The following MYO3A variants were observed in gnomAD, a reference collection of about 807,000 sequenced individuals.
MYO3A encodes the protein myosin-IIIa.
Under a neutral mutation model 192.7 loss-of-function variants are expected in MYO3A, and 180 were observed. That is an observed-to-expected ratio of 0.93 (90% CI 0.83 to 1.06). The LOEUF is 1.06. Ranked by LOEUF, MYO3A falls within the 50% of genes least tolerant of loss-of-function variation. MYO3A has a pLI of 0.00. For synonymous variants in MYO3A, 628 were observed against 645.3 expected (o/e 0.97, Z 0.41); for missense variants, 1,896 against 1,905.0 (o/e 1.00, Z 0.09).
In MYO3A at chr10:26,202,851, G is replaced by A. The variant is rs566267404; in HGVS notation, c.4587-113G>A. The A allele has an allele frequency of 1.3e-4, 149 of 1,180,704 alleles. No homozygotes were observed. In the African/African-American group the frequency reaches 2.0e-3, roughly 16 times the overall value. 73.1% of individuals were successfully genotyped at this position (1,180,704 alleles called of 1,614,324 possible). ...AGACCTTCCATTTCTATTGACATGT[G>A]TATGTTACTCTAAATTATAGTAAAT... On this transcript the variant is annotated intron_variant, in intron 33 of 34. Transcript: ENST00000642920.
At chr10:26,166,036 A>C in intron 26 of MYO3A, 31 bp from the exon 27 acceptor site, 2 of 1,573,372 alleles carry the variant, frequency 1.3e-6, no homozygotes, top group South Asian at 1.1e-5. Context: ...CACTTTATGC[A>C]ATACTAACCA....
rs545430884 is a variant in MYO3A, at chr10:26,059,690, G to GT, written c.954-7279dup. On this transcript the variant is annotated intron_variant, in intron 10 of 34. Coordinates refer to ENST00000642920, the MANE Select transcript of MYO3A (RefSeq NM_017433.5). Reference sequence around the variant, plus strand: ...TTTTGGCATTTGCCGTATACTTTGTGTTTTTTAAAAATATTTGTGTTCACA... The same window carrying GT: ...TTTTGGCATTTGCCGTATACTTTGTGTTTTTTTAAAAATATTTGTGTTCACA... Among the ~76,000 whole-genome samples, 9 of 152,304 alleles carry GT rather than the reference G, an allele frequency of 5.9e-5. No individual in the cohort carries two copies. The South Asian group carries it at 1.9e-3, about 32-fold the overall frequency.
rs1319562973 is a variant in MYO3A at position 25,934,695 on chromosome 10, G to A, written c.-105+367G>A. Among the ~76,000 whole-genome samples the A allele has an allele frequency of 1.4e-4, 21 of 151,630 alleles. 1 individual carries two copies. The highest frequency in any genetic ancestry group is 1.4e-3 in the Admixed American group (21 of 15,240). ...GAGCCAGGAGGAGGGAACGGGAAGG[G>A]TGAACCTGAGGGGTGGACTTGAGGG... is the stretch of plus-strand genomic sequence containing the variant. On this transcript the variant is annotated intron_variant, in intron 1 of 34. Coordinates refer to ENST00000642920, the MANE Select transcript of MYO3A (RefSeq NM_017433.5).
At chr10:25,982,808 C>G (rs759957322) in intron 4 of MYO3A, among the ~76,000 whole-genome samples, 2 of 152,152 alleles carry the variant, frequency 1.3e-5, no homozygotes, top group Admixed American at 1.3e-4. Flanking sequence ...CCCTAAATCC[C>G]TGATCTTCCC....
chr10:26,174,776 T>C (rs944778817), intron 30 of MYO3A, among the ~76,000 whole-genome samples: 1 of 152,124 alleles, frequency 6.6e-6, no homozygotes, highest in African/African-American at 2.4e-5. Context: ...GATAGAAACC[T>C]CATGTAGTCG....
chr10:26,070,491 C>G (rs1835142159), intron 14 of MYO3A, 90 bp downstream of exon 14: 2 of 1,118,678 alleles, frequency 1.8e-6, no homozygotes, highest in African/African-American at 3.1e-5. Context: ...TCTCTAGTAT[C>G]TCACATTTAA....
chr10:26,117,544 C>G (rs769486899), intron 17 of MYO3A, among the ~76,000 whole-genome samples: 1 of 152,086 alleles, frequency 6.6e-6, no homozygotes, highest in South Asian at 2.1e-4. Flanking sequence ...CTCTATGTGT[C>G]CCTGTGTTCT....
chr10:25,965,021 T>G (rs1460615292), intron 4 of MYO3A, among the ~76,000 whole-genome samples: 1 of 152,238 alleles, frequency 6.6e-6, no homozygotes, highest in African/African-American at 2.4e-5. Context: ...TTGCTGCTTT[T>G]AGGATCCTTT....
At chr10:26,180,914 G>T (rs1842592477) in intron 31 of MYO3A, among the ~76,000 whole-genome samples, 1 of 151,900 alleles carries the variant, frequency 6.6e-6, no homozygotes, top group African/African-American at 2.4e-5. Context: ...TGGAATTTAA[G>T]AAAATATCCC....
At chr10:26,106,929 A>G (rs576798032) in intron 17 of MYO3A, among the ~76,000 whole-genome samples, 140 of 151,878 alleles carry the variant, frequency 9.2e-4, no homozygotes, top group Non-Finnish European at 1.3e-3. Context: ...AAATGTATCT[A>G]TTTTTTTCTT....
At chr10:25,954,007 C>T (rs1327546113) in intron 3 of MYO3A, among the ~76,000 whole-genome samples, 1 of 151,988 alleles carries the variant, frequency 6.6e-6, no homozygotes, top group East Asian at 1.9e-4. Flanking sequence ...CAGTCATTTT[C>T]TTTTCAAGAG....
intron 15 of MYO3A, among the ~76,000 whole-genome samples, chr10:26,095,393 G>C (rs1836953421): frequency 6.6e-6 from 1 of 152,126 alleles, no homozygotes; most frequent in Non-Finnish European, 1.5e-5. Flanking sequence ...CCTAAAACAG[G>C]AGGAGATCCT....
At chr10:26,058,836 A>G (rs576796795) in intron 10 of MYO3A, among the ~76,000 whole-genome samples, 1 of 152,334 alleles carries the variant, frequency 6.6e-6, no homozygotes, top group South Asian at 2.1e-4. Flanking sequence ...CTATCCATGA[A>G]CATAGAATAT....
At chr10:25,978,549 A>T (rs147316621) in intron 4 of MYO3A, among the ~76,000 whole-genome samples, 8 of 152,294 alleles carry the variant, frequency 5.3e-5, no homozygotes, top group African/African-American at 1.9e-4. Context: ...TCCACAACAC[A>T]TGGAAATTGA....
intron 2 of MYO3A, among the ~76,000 whole-genome samples, chr10:25,944,199 T>C (rs1407628731): frequency 6.6e-6 from 1 of 152,074 alleles, no homozygotes; most frequent in Non-Finnish European, 1.5e-5. Context: ...GCATATTACA[T>C]TGATTGATTT....
chr10:26,102,373 C>A (rs979915108), intron 17 of MYO3A, among the ~76,000 whole-genome samples: 1 of 151,812 alleles, frequency 6.6e-6, no homozygotes, highest in Non-Finnish European at 1.5e-5. Context: ...CTGTTATTAC[C>A]GATCATCTGA....
chr10:26,200,032 C>T (rs1843612703), intron 32 of MYO3A, among the ~76,000 whole-genome samples: 2 of 152,168 alleles, frequency 1.3e-5, no homozygotes, highest in Non-Finnish European at 2.9e-5. Flanking sequence ...TTGTAAGCGC[C>T]TCTTAGCCTA....
intron 33 of MYO3A, 30 bp downstream of exon 33, chr10:26,201,335 C>A: frequency 4.7e-6 from 7 of 1,489,996 alleles, no homozygotes; most frequent in South Asian, 2.4e-5. Flanking sequence ...TTCAATCAGT[C>A]ATCTTATTCA....
rs74126394 is a variant in MYO3A at position 26,087,233 on chromosome 10, C to G, written c.1360-970C>G. Among the ~76,000 whole-genome samples, 600 of 152,304 alleles carry G rather than the reference C, an allele frequency of 3.9e-3. 6 individuals are homozygous for G. The highest frequency in any genetic ancestry group is 0.014 in the African/African-American group (572 of 41,558). On this transcript the variant is annotated intron_variant, in intron 14 of 34. Coordinates refer to ENST00000642920, the MANE Select transcript of MYO3A (RefSeq NM_017433.5). ...ATTTTAAAGAGCCAAGTTCATCCCCCAAATTACTACACTCTTCTTCCACAC... is the reference window on the plus strand; with the variant it reads ...ATTTTAAAGAGCCAAGTTCATCCCCGAAATTACTACACTCTTCTTCCACAC...
Sources: allele counts gnomAD v4.1 joint callset (sites outside exome capture counted in the v4.1 genomes callset), GRCh38; gene constraint gnomAD v4.1.1; transcripts MANE v1.5; gene names NCBI Gene and HGNC (gene_info 2026-07-23, HGNC 2026-07-21).